P2RX3: variants seen among roughly 807,000 people sequenced by gnomAD.
P2RX3 encodes purinergic receptor P2X 3.
Under a neutral mutation model 51.5 loss-of-function variants are expected in P2RX3, and 41 were observed. The observed-to-expected ratio is 0.80, with a 90% confidence interval of 0.62 to 1.03. The LOEUF is 1.03. P2RX3 is among the 50% of genes least tolerant of loss of function. The pLI, the probability that P2RX3 is intolerant of heterozygous loss-of-function variation, is 0.00. For synonymous variants in P2RX3, 185 were observed against 191.6 expected, an observed-to-expected ratio of 0.97 and a Z score of 0.29; for missense variants, 459 against 522.1, an observed-to-expected ratio of 0.88 and a Z score of 1.18.
At position 57,365,603 on chromosome 11, in the gene P2RX3, G is replaced by T. The variant is rs147692036; in HGVS notation, c.843-2406G>T. Among the ~76,000 whole-genome samples the T allele has an allele frequency of 8.0e-3, 1,219 of 152,292 alleles. 22 individuals carry two copies. Among genetic ancestry groups the T allele is most frequent in the African/African-American group, 0.028 (1,149 of 41,554 alleles). On this transcript the variant is annotated intron_variant, in intron 8 of 11. Coordinates refer to ENST00000263314, the MANE Select transcript of P2RX3 (RefSeq NM_002559.5). The stretch of plus-strand genomic sequence containing the variant: ...TAACACAAGAATCTCAATGGTGTTC[G>T]CATTTACCCTGTCTCACCAACAGAC...
intron 8 of P2RX3, among the ~76,000 whole-genome samples, chr11:57,362,135 GTC>G (rs1360024933): frequency 2.0e-5 from 3 of 152,220 alleles, no homozygotes; most frequent in African/African-American, 7.2e-5. Flanking sequence ...ATGAATAGGA[GTC>G]TGCAAGGTGG....
In P2RX3 at chr11:57,371,766, G is replaced by A. The variant is rs1300694329; in HGVS notation, c.*1769G>A. ...TTCTCCAGCAGAGACATCAGTGAAG[G>A]CAGCACCACATTCTCCACCTGGGAC... is the stretch of plus-strand genomic sequence containing the variant. On this transcript the variant is annotated 3_prime_UTR_variant, in exon 12 of 12. Coordinates refer to ENST00000263314, the MANE Select transcript of P2RX3 (RefSeq NM_002559.5). Among the ~76,000 whole-genome samples, 2 of 152,196 alleles carry A rather than the reference G, an allele frequency of 1.3e-5. No individual in the cohort carries two copies. Among genetic ancestry groups the A allele is most frequent in the Admixed American group, 6.5e-5 (1 of 15,284 alleles).
intron 8 of P2RX3, among the ~76,000 whole-genome samples, chr11:57,358,958 G>A (rs1020649658): frequency 2.0e-5 from 3 of 152,276 alleles, no homozygotes; most frequent in Non-Finnish European, 4.4e-5. Flanking sequence ...ATTGAGTCCT[G>A]TGTTAGAGGT....
rs137930081 is a variant in P2RX3, at chr11:57,367,017, T to C, written c.843-992T>C. Among the ~76,000 whole-genome samples the C allele has an allele frequency of 2.8e-3, 429 of 152,314 alleles. 1 individual carries two copies. The highest frequency in any genetic ancestry group is 9.4e-3 in the African/African-American group (390 of 41,556). Reference sequence around the variant, plus strand: ...GATGAGGACATTCAAACCATAGCACTATCCCAAAGGTTTGTTGCAAGGGTG... The same window carrying C: ...GATGAGGACATTCAAACCATAGCACCATCCCAAAGGTTTGTTGCAAGGGTG... On this transcript the variant is annotated intron_variant, in intron 8 of 11. Coordinates refer to ENST00000263314, the MANE Select transcript of P2RX3 (RefSeq NM_002559.5).
intron 1 of P2RX3, among the ~76,000 whole-genome samples, chr11:57,345,395 A>G (rs1463943808): frequency 6.6e-6 from 1 of 152,170 alleles, no homozygotes; most frequent in Non-Finnish European, 1.5e-5. Flanking sequence ...GGTTAACAAA[A>G]TGTAACAGAT....
intron 4 of P2RX3, among the ~76,000 whole-genome samples, 178 bp downstream of exon 4, chr11:57,347,656 C>T (rs1215063366): frequency 2.0e-5 from 3 of 152,146 alleles, no homozygotes; most frequent in East Asian, 1.9e-4. Context: ...GGCCCCTGCC[C>T]CCAGAGGAGT....
At chr11:57,355,386 G>A (rs1856613404) in intron 8 of P2RX3, among the ~76,000 whole-genome samples, 1 of 136,838 alleles carries the variant, frequency 7.3e-6, no homozygotes, top group Admixed American at 7.8e-5. Context: ...TGCCCAGGCT[G>A]GAATGCAGTA....
chr11:57,372,180 T>C lies in P2RX3; in HGVS notation c.*2183T>C, dbSNP rs1403436427. ...ATGGTTTGTCATTAATCCTATTTGA[T>C]AGAAAAAGAAATTTACAGTACGTGG... On this transcript the variant is annotated 3_prime_UTR_variant, in exon 12 of 12. Transcript: ENST00000263314. 2.6e-5 allele frequency among the ~76,000 whole-genome samples: 4 copies of C among 152,188 alleles called. No homozygotes were observed. Among genetic ancestry groups the C allele is most frequent in the Non-Finnish European group, 4.4e-5 (3 of 68,026 alleles).
At chr11:57,346,496 G>C (rs1357355093) in intron 1 of P2RX3, 48 bp from the exon 2 acceptor site, 1 of 1,597,738 alleles carries the variant, frequency 6.3e-7, no homozygotes, top group African/African-American at 1.3e-5. Context: ...CTGTCTGCTG[G>C]GTCTATGGAC....
chr11:57,369,181 C>T (rs1015913086), intron 10 of P2RX3, among the ~76,000 whole-genome samples, 180 bp from the exon 11 acceptor site: 4 of 152,184 alleles, frequency 2.6e-5, no homozygotes, highest in Non-Finnish European at 5.9e-5. Context: ...AGTTTCAGCA[C>T]GAGTTTGGAT....
intron 8 of P2RX3, among the ~76,000 whole-genome samples, chr11:57,364,740 G>A (rs80236017): frequency 0.014 from 2,174 of 152,194 alleles, 51 homozygotes; most frequent in African/African-American, 0.05. Context: ...TGCCTTGGTT[G>A]TGAGGCTGTC....
At chr11:57,358,004 T>C (rs929535929) in intron 8 of P2RX3, among the ~76,000 whole-genome samples, 11 of 152,202 alleles carry the variant, frequency 7.2e-5, no homozygotes, top group Non-Finnish European at 1.3e-4. Flanking sequence ...GCTGTAACAG[T>C]TACGTGTCCC....
At chr11:57,349,181 G>C (rs1856496743) in intron 6 of P2RX3, among the ~76,000 whole-genome samples, 1 of 152,038 alleles carries the variant, frequency 6.6e-6, no homozygotes, top group Admixed American at 6.5e-5. Context: ...AAGTGCACTA[G>C]GCCAGGCGCA....
intron 8 of P2RX3, among the ~76,000 whole-genome samples, chr11:57,364,357 A>G (rs1856766043): frequency 6.6e-6 from 1 of 152,224 alleles, no homozygotes; most frequent in South Asian, 2.1e-4. Flanking sequence ...GGGTATGAGC[A>G]TGAACTTTGG....
In P2RX3 at chr11:57,349,993, G is replaced by T. The variant is rs528539986; in HGVS notation, c.705+95G>T. 3.6e-5 allele frequency: 55 copies of T among 1,531,816 alleles called. No homozygotes were observed. The African/African-American group carries it at 6.8e-4, about 19-fold the overall frequency. 94.9% of individuals were successfully genotyped at this position (1,531,816 alleles called of 1,614,324 possible). On this transcript the variant is annotated intron_variant, in intron 7 of 11. Transcript: ENST00000263314. ...CTTTGGCCGGCACTGGCCAGGAGCC[G>T]CCGCGAGACAGCGCCACCTGGTGGA...
chr11:57,340,400 A>C (rs542997608), intron 1 of P2RX3, among the ~76,000 whole-genome samples: 2 of 151,924 alleles, frequency 1.3e-5, no homozygotes, highest in Non-Finnish European at 2.9e-5. Flanking sequence ...TTAATTTCCA[A>C]CCCCATCCAT....
chr11:57,336,905 G>A (rs1163120217), upstream of P2RX3, among the ~76,000 whole-genome samples: 2 of 152,116 alleles, frequency 1.3e-5, no homozygotes, highest in African/African-American at 4.8e-5. Context: ...GCATTATCTA[G>A]CAAAATAAAT....
intron 8 of P2RX3, among the ~76,000 whole-genome samples, chr11:57,354,678 A>G (rs1468767880): frequency 6.6e-6 from 1 of 151,896 alleles, no homozygotes; most frequent in African/African-American, 2.4e-5. Flanking sequence ...CGAGTTCGTG[A>G]GAGTGGGTGT....
chr11:57,346,551 T>G lies in P2RX3; in HGVS notation c.127T>G (p.Phe43Val), dbSNP rs957737776. Reference protein sequence around the residue: ...LIISYFVGWVFLHEKAYQVRD... With the variant: ...LIISYFVGWVVLHEKAYQVRD... ...TATGCTCTCCTGCCCCAGGTGGGTT[T>G]TCTTGCACGAGAAGGCTTACCAGGT... Residue 43 changes from phenylalanine to valine, a missense_variant, in exon 2 of 12, where the codon TTC (phenylalanine) becomes GTC (valine). Coordinates refer to ENST00000263314, the MANE Select transcript of P2RX3 (RefSeq NM_002559.5). The G allele has an allele frequency of 6.2e-7, 1 of 1,613,980 alleles. No homozygotes were observed. The highest frequency in any genetic ancestry group is 1.3e-5 in the African/African-American group (1 of 74,902).
Sources: gnomAD v4.1 joint callset for allele counts (sites outside exome capture counted in the v4.1 genomes callset) on GRCh38, gnomAD v4.1.1 for gene constraint, MANE v1.5 for transcripts, NCBI Gene and HGNC (gene_info 2026-07-23, HGNC 2026-07-21) for gene names.